AMELX: variants seen among roughly 807,000 people sequenced by gnomAD.
AMELX encodes the protein amelogenin X-linked.
Under a neutral mutation model 15.8 loss-of-function variants are expected in AMELX, and 9 were observed. That is an observed-to-expected ratio of 0.57 (90% CI 0.34 to 0.99). The LOEUF is 0.99. Among genes scored for constraint, AMELX ranks in the 50% least tolerant of loss-of-function variants. AMELX has a pLI of 0.02. For synonymous variants in AMELX, 61 were observed against 58.8 expected (o/e 1.04, Z -0.17); for missense variants, 107 against 156.2 (o/e 0.68, Z 1.68).
downstream of AMELX, among the ~76,000 whole-genome samples, chrX:11,303,957 G>C (rs754544444): frequency 3.6e-5 from 4 of 112,178 alleles, no homozygotes; most frequent in African/African-American, 1.3e-4. Flanking sequence ...TACAGTTCTT[G>C]TAATCAGAAA....
chrX:11,298,209 T>C, intron 3 of AMELX, 27 bp from the exon 4 acceptor site: 1 of 1,210,841 alleles, frequency 8.3e-7, no homozygotes, highest in Non-Finnish European at 1.1e-6. Context: ...TTAAATCAAA[T>C]GGGTTCTAAT....
At chrX:11,309,437 G>C in the AMELX span, among the ~76,000 whole-genome samples, 8 of 110,768 alleles carry the variant, frequency 7.2e-5, no homozygotes. Flanking sequence ...AGAGGATCTC[G>C]GAGGGAGAGA....
chrX:11,300,220 C>T (rs1459730952), intron 5 of AMELX, among the ~76,000 whole-genome samples: 2 of 111,614 alleles, frequency 1.8e-5, no homozygotes, highest in Admixed American at 1.9e-4. Flanking sequence ...TGACTTTGGG[C>T]AGATAGTTTG....
At chrX:11,307,193 T>G in the AMELX span, among the ~76,000 whole-genome samples, 1 of 110,807 alleles carries the variant, frequency 9.0e-6, no homozygotes, top group South Asian at 4.0e-4. Context: ...CTATCTTCCT[T>G]CCCAGACAGC....
At chrX:11,299,306 T>G (rs1338765983) in intron 5 of AMELX, among the ~76,000 whole-genome samples, 1 of 112,049 alleles carries the variant, frequency 8.9e-6, no homozygotes, top group African/African-American at 3.2e-5. Flanking sequence ...GGAATATCAG[T>G]TCTCCTTATA....
chrX:11,305,543 C>T (rs1354389012), downstream of AMELX, among the ~76,000 whole-genome samples: 2 of 111,811 alleles, frequency 1.8e-5, no homozygotes, highest in East Asian at 2.8e-4. Flanking sequence ...CAAAGATGTG[C>T]TAAGGAGCTA....
At chrX:11,307,676 A>G in the AMELX span, among the ~76,000 whole-genome samples, 8 of 112,622 alleles carry the variant, frequency 7.1e-5, no homozygotes, top group South Asian at 3.0e-3. Context: ...ACAATTCTCA[A>G]TTTTTAAAGT....
chrX:11,294,012 C>G (rs1281008086), intron 1 of AMELX, among the ~76,000 whole-genome samples: 3 of 112,464 alleles, frequency 2.7e-5, no homozygotes, highest in Non-Finnish European at 5.6e-5. Context: ...TTAGGAGGAC[C>G]TGTTTTGCTT....
At chrX:11,303,274 C>CT (rs1164131264), downstream of AMELX, among the ~76,000 whole-genome samples, 7 of 112,368 alleles carry the variant, frequency 6.2e-5, no homozygotes, top group African/African-American at 2.3e-4. Flanking sequence ...GATCTGGAGC[C>CT]TTAACAGCAA....
intron 3 of AMELX, 87 bp from the exon 4 acceptor site, chrX:11,298,149 G>T (rs768417162): frequency 1.9e-5 from 23 of 1,207,231 alleles, no homozygotes; most frequent in Non-Finnish European, 2.6e-5. Context: ...GCATTAGTGA[G>T]TCTATATTTC....
chrX:11,308,331 C>G, the AMELX span, among the ~76,000 whole-genome samples: 1 of 111,326 alleles, frequency 9.0e-6, no homozygotes, highest in Non-Finnish European at 1.9e-5. Flanking sequence ...AAGGTTCTTT[C>G]TATGAAATCA....
chrX:11,293,577 C>T (rs1470487211), intron 1 of AMELX, 109 bp downstream of exon 1: 3 of 111,147 alleles, frequency 2.7e-5, no homozygotes, highest in Non-Finnish European at 5.7e-5. Context: ...TACTATATGC[C>T]ATCAATAGTT....
downstream of AMELX, among the ~76,000 whole-genome samples, chrX:11,304,244 C>T (rs1010236453): frequency 2.7e-5 from 3 of 110,398 alleles, no homozygotes; most frequent in East Asian, 5.7e-4. Flanking sequence ...AGTGAGCCAC[C>T]ACACCCAGCT....
downstream of AMELX, among the ~76,000 whole-genome samples, chrX:11,304,777 C>CTTTTTTTTTTT (rs953912280): frequency 4.0e-4 from 20 of 50,286 alleles, 4 homozygotes; most frequent in African/African-American, 8.6e-4. Flanking sequence ...CTTTCTTTTA[C>CTTTTTTTTTTT]TTTTTTTTTT....
At chrX:11,309,389 A>AGCCG in the AMELX span, among the ~76,000 whole-genome samples, 3 of 109,123 alleles carry the variant, frequency 2.7e-5, no homozygotes, top group Non-Finnish European at 5.7e-5. Flanking sequence ...GTGCTAGAGG[A>AGCCG]GCCGGCCAGG....
chrX:11,301,365 A>C (rs1037961198), downstream of AMELX, among the ~76,000 whole-genome samples: 1 of 112,407 alleles, frequency 8.9e-6, no homozygotes, highest in East Asian at 2.8e-4. Flanking sequence ...TGTACTGTAT[A>C]GTCTTCAAAA....
Position 11,298,790 on chromosome X carries a change from C to A in AMELX, c.387C>A (p.Pro129=), listed in dbSNP as rs760145611. The A allele has an allele frequency of 7.4e-6, 9 of 1,208,638 alleles. No individual in the cohort carries two copies. In the African/African-American group the frequency reaches 1.2e-4, roughly 17 times the overall value. The part of the protein sequence containing the change: ...LPPPAQQPYQ[P]QPVQPQPHQP... ...CGCCCGCCCAGCAGCCCTACCAGCC[C>A]CAGCCTGTTCAGCCACAGCCTCACC... is the stretch of plus-strand genomic sequence containing the variant. Residue 129 remains proline (P), a synonymous_variant, in exon 5 of 6, where the codon CCC becomes CCA. Coordinates refer to ENST00000380714, the MANE Select transcript of AMELX (RefSeq NM_001142.2).
At chrX:11,306,616 T>C in the AMELX span, among the ~76,000 whole-genome samples, 1 of 112,646 alleles carries the variant, frequency 8.9e-6, no homozygotes, top group Non-Finnish European at 1.9e-5. Context: ...AACAAGAAGT[T>C]AGGCTCTTTT....
chrX:11,303,407 C>G (rs777883304), downstream of AMELX, among the ~76,000 whole-genome samples: 1 of 111,924 alleles, frequency 8.9e-6, no homozygotes, highest in East Asian at 2.8e-4. Context: ...TAAGATTGGG[C>G]TGGGAGTGGT....
Sources: gnomAD v4.1 joint callset for allele counts (sites outside exome capture counted in the v4.1 genomes callset) on GRCh38, gnomAD v4.1.1 for gene constraint, MANE v1.5 for transcripts, NCBI Gene and HGNC (gene_info 2026-07-23, HGNC 2026-07-21) for gene names.